SVOPL: variants seen among roughly 807,000 people sequenced by gnomAD.
SVOPL encodes the protein SVOP like.
A neutral mutation model predicts 61.0 loss-of-function variants in SVOPL; 60 were observed. That is an observed-to-expected ratio of 0.98 (90% CI 0.80 to 1.22). The LOEUF (loss-of-function observed/expected upper bound fraction) is 1.22, where lower values mean the gene tolerates loss of function less well. Among genes scored for constraint, SVOPL ranks in the 50% most tolerant of loss-of-function variants. The pLI, the probability that SVOPL is intolerant of heterozygous loss-of-function variation, is 0.00. For missense variants in SVOPL, 662 were observed against 643.9 expected (o/e 1.03, Z -0.30); for synonymous variants, 279 against 250.0 (o/e 1.12, Z -1.09).
chr7:138,695,800 G>T (rs1803052274), intron 1 of SVOPL, among the ~76,000 whole-genome samples: 1 of 151,884 alleles, frequency 6.6e-6, no homozygotes, highest in Non-Finnish European at 1.5e-5. Context: ...TATTTATTTT[G>T]GGGCGGAGTC....
At chr7:138,616,052 A>C (rs1799285776) in intron 14 of SVOPL, among the ~76,000 whole-genome samples, 2 of 152,320 alleles carry the variant, frequency 1.3e-5, no homozygotes, top group South Asian at 2.1e-4. Flanking sequence ...ATGTGAGGAC[A>C]CAAGAAGGTA....
intron 14 of SVOPL, among the ~76,000 whole-genome samples, chr7:138,607,669 G>C (rs1383106231): frequency 1.3e-5 from 2 of 152,172 alleles, no homozygotes; most frequent in Non-Finnish European, 2.9e-5. Context: ...ATGAGTGGAA[G>C]GCAGGAAATG....
chr7:138,656,185 C>G (rs28541814), intron 7 of SVOPL, among the ~76,000 whole-genome samples: 3,738 of 152,268 alleles, frequency 0.025, 193 homozygotes, highest in East Asian at 0.23. Context: ...TAGAATTTAT[C>G]AGCAATCAAG....
intron 3 of SVOPL, among the ~76,000 whole-genome samples, chr7:138,676,453 T>C (rs376575822): frequency 5.9e-5 from 9 of 152,174 alleles, no homozygotes; most frequent in East Asian, 1.9e-4. Flanking sequence ...GAGGAACCAC[T>C]GCGCTCACAG....
intron 1 of SVOPL, among the ~76,000 whole-genome samples, chr7:138,687,188 GTGTTCTTTATT>G (rs1406661174): frequency 1.3e-5 from 2 of 149,098 alleles, no homozygotes; most frequent in African/African-American, 4.9e-5. Flanking sequence ...CATTTGAAGG[GTGTTCTTTATT>G]TGGAAGCTCT....
At chr7:138,637,456 A>C (rs867483538) in intron 9 of SVOPL, among the ~76,000 whole-genome samples, 7,852 of 25,434 alleles carry the variant, frequency 0.31, 841 homozygotes, top group African/African-American at 0.49. Context: ...AGATAGATAG[A>C]TATATATATA....
intron 4 of SVOPL, among the ~76,000 whole-genome samples, chr7:138,669,026 A>C (rs1802348810): frequency 6.6e-6 from 1 of 152,132 alleles, no homozygotes; most frequent in Non-Finnish European, 1.5e-5. Context: ...TGGCCTTTTG[A>C]CATGTGGAGA....
chr7:138,602,435 C>T (rs1798563323), intron 14 of SVOPL, among the ~76,000 whole-genome samples: 1 of 136,294 alleles, frequency 7.3e-6, no homozygotes, highest in African/African-American at 2.8e-5. Context: ...TGAGAAAAGG[C>T]AGTTGCTATA....
At chr7:138,616,024 T>G (rs185023423) in intron 14 of SVOPL, among the ~76,000 whole-genome samples, 1 of 151,744 alleles carries the variant, frequency 6.6e-6, no homozygotes, top group African/African-American at 2.4e-5. Context: ...CAGAAAAAAC[T>G]CTTTCCCCTC....
intron 1 of SVOPL, among the ~76,000 whole-genome samples, chr7:138,685,880 T>C (rs7776711): frequency 6.7e-6 from 1 of 148,586 alleles, no homozygotes; most frequent in South Asian, 2.2e-4. Flanking sequence ...AAAAAAAAAA[T>C]AAAATAAAAT....
intron 14 of SVOPL, among the ~76,000 whole-genome samples, chr7:138,598,737 G>A (rs535846912): frequency 2.0e-5 from 3 of 152,088 alleles, no homozygotes; most frequent in Non-Finnish European, 4.4e-5. Context: ...GGAATGGAAT[G>A]AAAACACAAC....
At chr7:138,630,162 T>A in intron 9 of SVOPL, 40 bp from the exon 10 acceptor site, 1 of 1,507,786 alleles carries the variant, frequency 6.6e-7, no homozygotes, top group Non-Finnish European at 9.2e-7. Flanking sequence ...CTCAGCAGCT[T>A]AAGGATGAAC....
At chr7:138,679,779 C>T (rs1802659884) in intron 1 of SVOPL, among the ~76,000 whole-genome samples, 1 of 152,148 alleles carries the variant, frequency 6.6e-6, no homozygotes, top group Non-Finnish European at 1.5e-5. Flanking sequence ...GAAGCCATTA[C>T]TATTATTACT....
chr7:138,611,878 A>G (rs1454475181), intron 14 of SVOPL, among the ~76,000 whole-genome samples: 14 of 75,794 alleles, frequency 1.8e-4, no homozygotes, highest in Admixed American at 6.3e-4. Flanking sequence ...CCCGGCCGCC[A>G]CCCCGTCTGG....
At chr7:138,669,214 G>A (rs1446170702) in intron 4 of SVOPL, among the ~76,000 whole-genome samples, 1 of 152,152 alleles carries the variant, frequency 6.6e-6, no homozygotes, top group African/African-American at 2.4e-5. Flanking sequence ...ACTTTGAGAG[G>A]CCTAGGCAGG....
Position 138,594,510 on chromosome 7 carries a change from G to A in SVOPL, c.*100C>T, listed in dbSNP as rs963109176. On this transcript the variant is annotated 3_prime_UTR_variant, in exon 16 of 16. Coordinates refer to ENST00000674285, the MANE Select transcript of SVOPL (RefSeq NM_001139456.2). ...AAAAAAAATCACTTTACTAATTACCGAGTAGCATACAGAAGTAAAACCAAG... is the reference window on the plus strand; with the variant it reads ...AAAAAAAATCACTTTACTAATTACCAAGTAGCATACAGAAGTAAAACCAAG... 24 of 1,087,994 alleles carry A rather than the reference G, an allele frequency of 2.2e-5. No individual in the cohort carries two copies. In the African/African-American group the frequency reaches 2.2e-4, roughly 10 times the overall value. The allele number at this position is 1,087,994 out of a possible 1,614,324, so 67.4% of individuals were successfully genotyped here. A position where few individuals can be genotyped will look rare whatever the true frequency, so the allele number is the denominator to read the frequency against.
At chr7:138,625,756 G>A (rs1799862090) in intron 13 of SVOPL, among the ~76,000 whole-genome samples, 6 of 152,156 alleles carry the variant, frequency 3.9e-5, no homozygotes. Context: ...TTAAAGAAAG[G>A]AAAAAGATCC....
chr7:138,662,082 G>C (rs1802026267), intron 5 of SVOPL: 2 of 985,382 alleles, frequency 2.0e-6, no homozygotes, highest in South Asian at 9.4e-5. Context: ...TCTACAGTTT[G>C]GGTGGCTTCT....
At position 138,681,203 on chromosome 7, in the gene SVOPL, TATA is replaced by T. The variant is rs1402517780; in HGVS notation, c.-34-2127_-34-2125del. ...TTAACAAATATATGTTATTAACAAATATAATAAATTAACAAATATTATTATTAT... is the reference window on the plus strand; with the variant it reads ...TTAACAAATATATGTTATTAACAAATATAAATTAACAAATATTATTATTAT... On this transcript the variant is annotated intron_variant, in intron 1 of 15. Coordinates refer to ENST00000674285, the MANE Select transcript of SVOPL (RefSeq NM_001139456.2). 2.0e-5 allele frequency among the ~76,000 whole-genome samples: 3 copies of T among 147,538 alleles called. No individual in the cohort carries two copies. The East Asian group carries it at 5.8e-4, about 29-fold the overall frequency.
Sources: allele counts gnomAD v4.1 joint callset (sites outside exome capture counted in the v4.1 genomes callset), GRCh38; gene constraint gnomAD v4.1.1; transcripts MANE v1.5; gene names NCBI Gene and HGNC (gene_info 2026-07-23, HGNC 2026-07-21).